Variants in LRRC3B observed in about 807,000 individuals in gnomAD.
LRRC3B encodes leucine-rich repeat-containing protein 3B.
Under a neutral mutation model 12.8 loss-of-function variants are expected in LRRC3B, and 2 were observed. That is an observed-to-expected ratio of 0.16 (90% CI 0.06 to 0.49). LRRC3B has a LOEUF of 0.49. Among genes scored for constraint, LRRC3B ranks in the 20% least tolerant of loss-of-function variants. The probability of loss-of-function intolerance (pLI) is 0.96; values close to 1 mark genes in which losing one functional copy is unlikely to be tolerated. For missense variants in LRRC3B, 189 were observed against 319.4 expected, an observed-to-expected ratio of 0.59 and a Z score of 3.11; for synonymous variants, 132 against 122.0, an observed-to-expected ratio of 1.08 and a Z score of -0.54.
At chr3:26,636,313 A>G (rs539072865) in intron 1 of LRRC3B, among the ~76,000 whole-genome samples, 35 of 152,160 alleles carry the variant, frequency 2.3e-4, no homozygotes, top group African/African-American at 8.0e-4. Context: ...GCAGGTTGCC[A>G]TAGAAGGATG....
At chr3:26,628,809 A>G (rs1056511630) in intron 1 of LRRC3B, among the ~76,000 whole-genome samples, 1 of 149,960 alleles carries the variant, frequency 6.7e-6, no homozygotes, top group African/African-American at 2.5e-5. Flanking sequence ...AGTAAGGGCC[A>G]TTTAGTTCTT....
intron 1 of LRRC3B, among the ~76,000 whole-genome samples, chr3:26,667,801 G>A (rs1364814468): frequency 6.6e-6 from 1 of 152,082 alleles, no homozygotes; most frequent in African/African-American, 2.4e-5. Context: ...AAAACAGGGT[G>A]TCTCTTGTCA....
chr3:26,633,575 G>T (rs1271453445), intron 1 of LRRC3B, among the ~76,000 whole-genome samples: 1 of 152,188 alleles, frequency 6.6e-6, no homozygotes, highest in African/African-American at 2.4e-5. Context: ...TATTCCAGGG[G>T]TATCAGAATT....
At chr3:26,626,735 G>A (rs1308025261) in intron 1 of LRRC3B, among the ~76,000 whole-genome samples, 1 of 152,138 alleles carries the variant, frequency 6.6e-6, no homozygotes, top group Admixed American at 6.5e-5. Context: ...TACCACAAAT[G>A]TGACTCTTTT....
At chr3:26,660,145 C>T (rs925996245) in intron 1 of LRRC3B, among the ~76,000 whole-genome samples, 1 of 152,214 alleles carries the variant, frequency 6.6e-6, no homozygotes, top group African/African-American at 2.4e-5. Flanking sequence ...TTTCAGAGGA[C>T]CTGATAATAC....
At chr3:26,692,579 C>A (rs946620222) in intron 1 of LRRC3B, among the ~76,000 whole-genome samples, 3 of 151,984 alleles carry the variant, frequency 2.0e-5, no homozygotes, top group Admixed American at 2.0e-4. Context: ...CAGCATTGAG[C>A]AATTACAAAA....
At chr3:26,699,292 A>ATCTT (rs1270450273) in intron 1 of LRRC3B, among the ~76,000 whole-genome samples, 1 of 152,184 alleles carries the variant, frequency 6.6e-6, no homozygotes. Flanking sequence ...AAACCTAATC[A>ATCTT]TCTTTGAATG....
intron 1 of LRRC3B, among the ~76,000 whole-genome samples, chr3:26,635,749 A>G (rs1394149349): frequency 6.6e-6 from 1 of 152,242 alleles, no homozygotes; most frequent in African/African-American, 2.4e-5. Context: ...CTCTTGGGAT[A>G]AAAATGGACC....
At chr3:26,684,152 A>AAAG (rs1700026823) in intron 1 of LRRC3B, among the ~76,000 whole-genome samples, 1 of 152,230 alleles carries the variant, frequency 6.6e-6, no homozygotes, top group Non-Finnish European at 1.5e-5. Context: ...TTTTAAAAAC[A>AAAG]AAGTTGGGAA....
chr3:26,671,407 G>C (rs1455165591), intron 1 of LRRC3B, among the ~76,000 whole-genome samples: 1 of 131,822 alleles, frequency 7.6e-6, no homozygotes, highest in East Asian at 2.5e-4. Flanking sequence ...GAGAGAGAGA[G>C]AGAGAGACGA....
chr3:26,659,245 C>G (rs1000880407), intron 1 of LRRC3B, among the ~76,000 whole-genome samples: 7 of 152,170 alleles, frequency 4.6e-5, no homozygotes, highest in African/African-American at 1.7e-4. Flanking sequence ...TAAGTACGTT[C>G]CCTAAATCAG....
At chr3:26,671,409 G>C (rs1474302889) in intron 1 of LRRC3B, among the ~76,000 whole-genome samples, 3 of 131,296 alleles carry the variant, frequency 2.3e-5, no homozygotes, top group Non-Finnish European at 4.8e-5. Flanking sequence ...GAGAGAGAGA[G>C]AGAGACGAAG....
intron 1 of LRRC3B, among the ~76,000 whole-genome samples, chr3:26,632,465 A>G (rs1485821116): frequency 6.6e-6 from 1 of 152,174 alleles, no homozygotes; most frequent in African/African-American, 2.4e-5. Flanking sequence ...TTTATCAGAA[A>G]GAAACCTATA....
chr3:26,645,460 T>A (rs1370012461), intron 1 of LRRC3B, among the ~76,000 whole-genome samples: 2 of 152,164 alleles, frequency 1.3e-5, no homozygotes, highest in Non-Finnish European at 2.9e-5. Flanking sequence ...GGATTCTAGA[T>A]TGCATAGACT....
intron 1 of LRRC3B, among the ~76,000 whole-genome samples, chr3:26,652,170 C>T (rs1181149852): frequency 6.6e-6 from 1 of 152,170 alleles, no homozygotes; most frequent in African/African-American, 2.4e-5. Flanking sequence ...GGTTTTTCAA[C>T]CAGCTAAGGT....
At chr3:26,661,156 A>G (rs566788515) in intron 1 of LRRC3B, among the ~76,000 whole-genome samples, 88 of 152,304 alleles carry the variant, frequency 5.8e-4, no homozygotes, top group African/African-American at 2.1e-3. Context: ...TTGCACACAC[A>G]CATATTGGCT....
At chr3:26,651,010 C>T (rs948443643) in intron 1 of LRRC3B, among the ~76,000 whole-genome samples, 2 of 152,184 alleles carry the variant, frequency 1.3e-5, no homozygotes, top group African/African-American at 4.8e-5. Flanking sequence ...TTCTGTGTGT[C>T]CACACTTGTG....
chr3:26,655,122 C>G (rs545684465), intron 1 of LRRC3B, among the ~76,000 whole-genome samples: 1 of 152,182 alleles, frequency 6.6e-6, no homozygotes, highest in East Asian at 1.9e-4. Context: ...AAACTAGTGC[C>G]ACTTTTCATA....
chr3:26,686,917 C>T (rs1354038286), intron 1 of LRRC3B, among the ~76,000 whole-genome samples: 1 of 152,206 alleles, frequency 6.6e-6, no homozygotes, highest in Non-Finnish European at 1.5e-5. Context: ...TCCTCCCCCA[C>T]TGGTCAGTCA....
Sources: gnomAD v4.1 joint callset for allele counts (sites outside exome capture counted in the v4.1 genomes callset) on GRCh38, gnomAD v4.1.1 for gene constraint, MANE v1.5 for transcripts, NCBI Gene and HGNC (gene_info 2026-07-23, HGNC 2026-07-21) for gene names.